PUM3: variants seen among roughly 807,000 people sequenced by gnomAD.
PUM3 encodes pumilio homolog 3.
Under a neutral mutation model 84.0 loss-of-function variants are expected in PUM3, and 91 were observed. That is an observed-to-expected ratio of 1.08 (90% CI 0.91 to 1.29). The LOEUF (loss-of-function observed/expected upper bound fraction) is 1.29, where lower values mean the gene tolerates loss of function less well. PUM3 is among the 50% of genes most tolerant of loss of function. The pLI, the probability that PUM3 is intolerant of heterozygous loss-of-function variation, is 0.00. For missense variants in PUM3, 1,067 were observed against 767.5 expected, an observed-to-expected ratio of 1.39 and a Z score of -4.61; for synonymous variants, 321 against 266.7, an observed-to-expected ratio of 1.20 and a Z score of -1.98.
rs150766325 is a variant in PUM3, at chr9:2,812,337, A to G, written c.1295T>C (p.Ile432Thr). The G allele has an allele frequency of 2.1e-4, 337 of 1,587,240 alleles. No individual in the cohort carries two copies. In the East Asian group the frequency reaches 3.7e-3, roughly 18 times the overall value. Reference protein sequence around the residue: ...ISEIISSLPSIVNDKYGRKVL... With the variant: ...ISEIISSLPSTVNDKYGRKVL... ...CTTCCTTCCATATTTGTCATTTACT[A>G]TGCTAGGCAATGAACTGATAATTTC... Residue 432 changes from isoleucine (I) to threonine (T), a missense_variant, in exon 14 of 18, where the codon ATA becomes ACA. By Grantham distance (89) the Ile-to-Thr change is moderately conservative (BLOSUM62 -1). Transcript: ENST00000397885.
chr9:2,816,668 A>C (rs1220269183), intron 13 of PUM3, among the ~76,000 whole-genome samples: 1 of 152,054 alleles, frequency 6.6e-6, no homozygotes, highest in Non-Finnish European at 1.5e-5. Flanking sequence ...CTTGTCTCAC[A>C]CCTGGCCTGG....
chr9:2,834,923 T>C (rs1488146439), intron 3 of PUM3, among the ~76,000 whole-genome samples: 4 of 151,976 alleles, frequency 2.6e-5, no homozygotes, highest in Non-Finnish European at 5.9e-5. Flanking sequence ...AAAATGGGTA[T>C]TATTTACATG....
intron 1 of PUM3, among the ~76,000 whole-genome samples, chr9:2,839,436 T>C (rs1233352785): frequency 2.0e-5 from 3 of 152,194 alleles, no homozygotes; most frequent in Non-Finnish European, 2.9e-5. Flanking sequence ...GGATAAAATA[T>C]ATTTGGGAAA....
chr9:2,840,684 C>G (rs1209480484), intron 1 of PUM3, among the ~76,000 whole-genome samples: 1 of 152,162 alleles, frequency 6.6e-6, no homozygotes, highest in Non-Finnish European at 1.5e-5. Flanking sequence ...CTAGCTCCAG[C>G]CAGGGGGAAG....
At chr9:2,831,925 G>A (rs1170304041) in intron 5 of PUM3, among the ~76,000 whole-genome samples, 5 of 152,138 alleles carry the variant, frequency 3.3e-5, no homozygotes, top group Non-Finnish European at 7.4e-5. Context: ...TAGAAGAGTT[G>A]TTGTGTTTTG....
intron 13 of PUM3, among the ~76,000 whole-genome samples, chr9:2,814,984 T>A (rs929896799): frequency 2.6e-5 from 4 of 152,152 alleles, no homozygotes; most frequent in Non-Finnish European, 5.9e-5. Context: ...ATCCAACACA[T>A]ATGGCTTGGG....
intron 13 of PUM3, among the ~76,000 whole-genome samples, chr9:2,815,708 T>C (rs373426692): frequency 6.6e-6 from 1 of 152,170 alleles, no homozygotes; most frequent in Non-Finnish European, 1.5e-5. Flanking sequence ...TCCTTAACTA[T>C]GGAGATTAAA....
At chr9:2,824,928 G>C in intron 10 of PUM3, 113 bp from the exon 11 acceptor site, 1 of 525,358 alleles carries the variant, frequency 1.9e-6, no homozygotes, top group Middle Eastern at 3.0e-4. Context: ...GGAAGAGAGT[G>C]CCAGGTAGCA....
intron 15 of PUM3, among the ~76,000 whole-genome samples, chr9:2,810,754 T>C (rs2129792340): frequency 6.6e-6 from 1 of 152,344 alleles, no homozygotes; most frequent in African/African-American, 2.4e-5. Flanking sequence ...GATTGAAATA[T>C]GTCATTCTCA....
chr9:2,824,911 A>G, intron 10 of PUM3, 96 bp from the exon 11 acceptor site: 1 of 709,586 alleles, frequency 1.4e-6, no homozygotes, highest in Non-Finnish European at 2.0e-6. Flanking sequence ...ATGCAGAGAG[A>G]AGGAAAGGAA....
intron 11 of PUM3, 51 bp downstream of exon 11, chr9:2,824,666 A>C (rs767671439): frequency 7.6e-6 from 9 of 1,188,094 alleles, no homozygotes; most frequent in Non-Finnish European, 1.0e-5. Context: ...CTGCAGATAA[A>C]GCATGGCCCT....
intron 2 of PUM3, 112 bp from the exon 3 acceptor site, chr9:2,837,513 A>G (rs767780649): frequency 1.2e-5 from 8 of 667,534 alleles, no homozygotes; most frequent in Admixed American, 3.0e-5. Flanking sequence ...ACCATGTCTT[A>G]CTCTCAAATA....
intron 13 of PUM3, among the ~76,000 whole-genome samples, chr9:2,818,527 C>T (rs1481369598): frequency 6.6e-6 from 1 of 152,166 alleles, no homozygotes; most frequent in Admixed American, 6.5e-5. Flanking sequence ...TAAACAAAAG[C>T]AAACTTTCAA....
intron 15 of PUM3, 76 bp downstream of exon 15, chr9:2,811,285 G>A: frequency 1.6e-6 from 2 of 1,214,274 alleles, no homozygotes; most frequent in Non-Finnish European, 2.4e-6. Flanking sequence ...CTTTCTTACT[G>A]ACACCCCACA....
In PUM3 at chr9:2,807,885, A is replaced by C; in HGVS notation, c.1743T>G (p.Leu581=). Residue 581 remains leucine, a synonymous_variant, in exon 17 of 18, where the codon CTT becomes CTG. Transcript: ENST00000397885. ...GGTTCTTCATACCAACATGCTCTAC[A>C]AGTGTTTTTGCAAAACAACCTGTAA... is the stretch of plus-strand genomic sequence containing the variant. ...NGREGCFAKT[L]VEHVGMKNLK... 1 of 1,613,186 alleles carries C rather than the reference A, an allele frequency of 6.2e-7. No individual in the cohort carries two copies. Among genetic ancestry groups the C allele is most frequent in the Non-Finnish European group, 8.5e-7 (1 of 1,179,500 alleles).
chr9:2,810,035 G>A (rs966214515), intron 16 of PUM3, among the ~76,000 whole-genome samples: 1 of 150,548 alleles, frequency 6.6e-6, no homozygotes, highest in Non-Finnish European at 1.5e-5. Flanking sequence ...GGCATTTTAA[G>A]GCATTGACCA....
chr9:2,810,117 CG>C (rs373259463), intron 16 of PUM3, among the ~76,000 whole-genome samples: 8 of 51,110 alleles, frequency 1.6e-4, no homozygotes, highest in South Asian at 1.4e-3. Flanking sequence ...GGGGGGCTGG[CG>C]GGGGGGGTTT....
At chr9:2,829,051 G>C (rs1815902752) in intron 8 of PUM3, among the ~76,000 whole-genome samples, 2 of 152,146 alleles carry the variant, frequency 1.3e-5, no homozygotes, top group South Asian at 4.1e-4. Flanking sequence ...CCAATTATGA[G>C]ATCAAGTAGT....
chr9:2,816,513 T>C (rs1241815288), intron 13 of PUM3, among the ~76,000 whole-genome samples: 2 of 152,208 alleles, frequency 1.3e-5, no homozygotes, highest in African/African-American at 4.8e-5. Flanking sequence ...TTTTGTTATA[T>C]GTAGTTTACC....
Sources: allele counts gnomAD v4.1 joint callset (sites outside exome capture counted in the v4.1 genomes callset), GRCh38; gene constraint gnomAD v4.1.1; transcripts MANE v1.5; gene names NCBI Gene and HGNC (gene_info 2026-07-23, HGNC 2026-07-21).